MYO9A: variants seen among roughly 807,000 people sequenced by gnomAD.
MYO9A encodes myosin IXA, also known as unconventional myosin-IXa.
MYO9A carries 103 observed loss-of-function variants against 293.3 expected under a neutral mutation model. The observed-to-expected ratio is 0.35, with a 90% confidence interval of 0.30 to 0.41. The LOEUF is 0.41. Ranked by LOEUF, MYO9A falls within the 10% of genes least tolerant of loss-of-function variation. The pLI is 1.00. For missense variants in MYO9A, 2,685 were observed against 3,033.0 expected, an observed-to-expected ratio of 0.89 and a Z score of 2.69; for synonymous variants, 1,001 against 1,035.7, an observed-to-expected ratio of 0.97 and a Z score of 0.64.
chr15:72,027,745 C>T lies in MYO9A; in HGVS notation c.984G>A (p.Gln328=). ...AAAATACGTACCGTTCATTATGCTC[C>T]TGATAAACGAGTCTGGACTTCTCCA... ...YLLEKSRLVY[Q]EHNERNYHVF... is the part of the protein sequence containing the mutation. The change falls in exon 4 of 42, where the codon CAG becomes CAA. Residue 328 remains glutamine (Q), a synonymous_variant. Coordinates refer to ENST00000356056, the MANE Select transcript of MYO9A (RefSeq NM_006901.4). 6.2e-7 allele frequency: 1 copy of T among 1,607,838 alleles called. No homozygotes were observed. Among genetic ancestry groups the T allele is most frequent in the Non-Finnish European group, 8.5e-7 (1 of 1,177,546 alleles).
intron 11 of MYO9A, among the ~76,000 whole-genome samples, chr15:71,988,071 T>C (rs1221853271): frequency 6.6e-6 from 1 of 152,206 alleles, no homozygotes; most frequent in Non-Finnish European, 1.5e-5. Flanking sequence ...AAAGAATAAT[T>C]TCAGTTTACA....
chr15:71,978,271 T>C lies in MYO9A; in HGVS notation c.1744A>G (p.Ile582Val), dbSNP rs763201909. 5.1e-5 allele frequency: 82 copies of C among 1,609,344 alleles called. No individual in the cohort carries two copies. The highest frequency in any genetic ancestry group is 6.8e-5 in the Non-Finnish European group (80 of 1,178,424). The change falls in exon 12 of 42, where the codon ATC (isoleucine) becomes GTC (valine). Residue 582 changes from isoleucine (I) to valine (V), a missense_variant. Transcript: ENST00000356056. ...ATGTAATCTATGTTGTGCCAGCTGATACCTTCAGTTCTATATTCCTCCTAG... is the reference window on the plus strand; with the variant it reads ...ATGTAATCTATGTTGTGCCAGCTGACACCTTCAGTTCTATATTCCTCCTAG... ...LEQEEYRTEG[I>V]SWHNIDYIDN...
chr15:71,900,288 T>C (rs1225793435), intron 23 of MYO9A, among the ~76,000 whole-genome samples: 2 of 151,764 alleles, frequency 1.3e-5, no homozygotes, highest in Non-Finnish European at 2.9e-5. Flanking sequence ...CAAAAAAAAT[T>C]AGCTGGGCGT....
chr15:72,015,182 G>A (rs951923887), intron 6 of MYO9A, among the ~76,000 whole-genome samples: 1 of 151,956 alleles, frequency 6.6e-6, no homozygotes, highest in Non-Finnish European at 1.5e-5. Context: ...TATATGCAGA[G>A]AAAGTTGTGG....
rs1455664678 is a variant in MYO9A at position 71,826,457 on chromosome 15, T to C, written c.*123A>G. The C allele has an allele frequency of 3.1e-6, 3 of 961,678 alleles. No homozygotes were observed. Among genetic ancestry groups the C allele is most frequent in the Non-Finnish European group, 4.6e-6 (3 of 654,512 alleles). 59.6% of individuals were successfully genotyped at this position (961,678 alleles called of 1,614,324 possible). On this transcript the variant is annotated 3_prime_UTR_variant, in exon 42 of 42. Transcript: ENST00000356056. The stretch of plus-strand genomic sequence containing the variant: ...TTCAGCACATACAGTCTTAGCCATA[T>C]GCTTAGAAAAGAGGCAGGACCACAA...
chr15:72,081,893 T>C (rs112060008), intron 1 of MYO9A, among the ~76,000 whole-genome samples: 4 of 152,288 alleles, frequency 2.6e-5, no homozygotes, highest in African/African-American at 9.6e-5. Context: ...TTGGTCTATA[T>C]GTCTATTTTT....
At chr15:72,059,543 G>A (rs530778169) in intron 1 of MYO9A, among the ~76,000 whole-genome samples, 7 of 152,276 alleles carry the variant, frequency 4.6e-5, no homozygotes, top group Admixed American at 6.5e-5. Flanking sequence ...AGCCTATTAC[G>A]TTTTTATTTT....
Position 72,117,835 on chromosome 15 carries a change from C to T in MYO9A, c.-227G>A, listed in dbSNP as rs1184903938. ...AGGGTGGGCCCAGCAGCCTCAGGGT[C>T]CGGGCGAGCGGCCGCGGCGCATCCC... is the stretch of plus-strand genomic sequence containing the variant. On this transcript the variant is annotated 5_prime_UTR_variant, in exon 1 of 42. Transcript: ENST00000356056. 2.5e-6 allele frequency: 1 copy of T among 398,560 alleles called. No individual in the cohort carries two copies. Among genetic ancestry groups the T allele is most frequent in the Non-Finnish European group, 4.4e-6 (1 of 225,866 alleles). The allele number at this position is 398,560 out of a possible 1,614,324, so 24.7% of individuals were successfully genotyped here.
intron 3 of MYO9A, among the ~76,000 whole-genome samples, chr15:72,030,527 T>G (rs2077829601): frequency 2.0e-5 from 3 of 151,994 alleles, no homozygotes; most frequent in Admixed American, 6.6e-5. Context: ...TATACATATA[T>G]ATATGGTTTT....
At chr15:71,878,349 T>A (rs902455830) in intron 30 of MYO9A, 118 bp from the exon 31 acceptor site, 2 of 654,300 alleles carry the variant, frequency 3.1e-6, no homozygotes, top group Non-Finnish European at 4.6e-6. Flanking sequence ...CTGATATAAT[T>A]TCTAATGAGC....
chr15:72,018,159 A>G (rs2077397143), intron 6 of MYO9A, among the ~76,000 whole-genome samples: 1 of 152,032 alleles, frequency 6.6e-6, no homozygotes, highest in South Asian at 2.1e-4. Context: ...ACATCCCCTT[A>G]AATCACTCAA....
chr15:72,037,015 G>A (rs184305028), intron 2 of MYO9A, among the ~76,000 whole-genome samples: 1 of 150,958 alleles, frequency 6.6e-6, no homozygotes, highest in East Asian at 2.0e-4. Context: ...TTATAAGCAT[G>A]AGCCACAGTG....
At chr15:71,977,071 G>A (rs1000016133) in intron 12 of MYO9A, among the ~76,000 whole-genome samples, 3 of 152,080 alleles carry the variant, frequency 2.0e-5, no homozygotes, top group African/African-American at 4.8e-5. Flanking sequence ...ACATTGTTGA[G>A]AATACTCTGA....
At chr15:71,982,300 G>A (rs567178577) in intron 11 of MYO9A, among the ~76,000 whole-genome samples, 4 of 152,028 alleles carry the variant, frequency 2.6e-5, no homozygotes, top group East Asian at 3.9e-4. Context: ...GATTACAGGC[G>A]TGAGCCACCG....
intron 1 of MYO9A, among the ~76,000 whole-genome samples, chr15:72,079,987 T>C (rs746958536): frequency 4.6e-5 from 7 of 152,196 alleles, no homozygotes; most frequent in Non-Finnish European, 7.3e-5. Flanking sequence ...AATCACTCAA[T>C]AGTGATTGAT....
Position 71,835,539 on chromosome 15 carries a change from A to G in MYO9A, c.6838-5228T>C, listed in dbSNP as rs142099078. Among the ~76,000 whole-genome samples the G allele has an allele frequency of 2.8e-4, 42 of 152,328 alleles. No individual in the cohort carries two copies. The East Asian group carries it at 8.1e-3, about 29-fold the overall frequency. The stretch of plus-strand genomic sequence containing the variant: ...AAATAATACCTATGATTGCATTTAA[A>G]TATTAAATACCTAGTAGTAATTCAA... On this transcript the variant is annotated intron_variant, in intron 39 of 41. Coordinates refer to ENST00000356056, the MANE Select transcript of MYO9A (RefSeq NM_006901.4).
chr15:72,030,729 G>A (rs1178183396), intron 3 of MYO9A, among the ~76,000 whole-genome samples: 1 of 151,988 alleles, frequency 6.6e-6, no homozygotes, highest in African/African-American at 2.4e-5. Flanking sequence ...TTACCATGTT[G>A]GCCAGGTGAG....
At chr15:72,069,855 C>T (rs2079132296) in intron 1 of MYO9A, among the ~76,000 whole-genome samples, 3 of 151,880 alleles carry the variant, frequency 2.0e-5, no homozygotes, top group Middle Eastern at 3.4e-3. Flanking sequence ...TGGTGGCTCA[C>T]GCCTGTAATC....
chr15:72,116,144 G>A (rs2080967027), intron 1 of MYO9A, among the ~76,000 whole-genome samples: 1 of 152,194 alleles, frequency 6.6e-6, no homozygotes, highest in Admixed American at 6.5e-5. Context: ...AATAGTGGTT[G>A]CCTCTAAAGA....
Sources: gnomAD v4.1 joint callset for allele counts (sites outside exome capture counted in the v4.1 genomes callset) on GRCh38, gnomAD v4.1.1 for gene constraint, MANE v1.5 for transcripts, NCBI Gene and HGNC (gene_info 2026-07-23, HGNC 2026-07-21) for gene names.